The following ANKRD28 variants were observed in gnomAD, a reference collection of about 807,000 sequenced individuals.
ANKRD28 encodes the protein ankyrin repeat domain 28, also known as serine/threonine-protein phosphatase 6 regulatory ankyrin repeat subunit A.
A neutral mutation model predicts 126.5 loss-of-function variants in ANKRD28; 44 were observed. The ratio of observed to expected loss-of-function variants is 0.35; its 90% confidence interval spans 0.27 to 0.45. ANKRD28 has a LOEUF of 0.45. Among genes scored for constraint, ANKRD28 ranks in the 20% least tolerant of loss-of-function variants. ANKRD28 has a pLI of 1.00. For synonymous variants in ANKRD28, 442 were observed against 468.5 expected (o/e 0.94, Z 0.73); for missense variants, 1,110 against 1,316.6 (o/e 0.84, Z 2.43).
At chr3:15,674,196 A>AAAAAAAAAAAAAAAAAAAAAAAAAAG (rs1470515364) in intron 27 of ANKRD28, among the ~76,000 whole-genome samples, 1 of 130,082 alleles carries the variant, frequency 7.7e-6, no homozygotes, top group Non-Finnish European at 1.5e-5. Flanking sequence ...AAAAAAAAAA[A>AAAAAAAAAAAAAAAAAAAAAAAAAAG]AAGAAGAAGA....
intron 4 of ANKRD28, among the ~76,000 whole-genome samples, chr3:15,741,888 C>T (rs1474504678): frequency 3.3e-5 from 5 of 151,888 alleles, no homozygotes; most frequent in African/African-American, 1.2e-4. Flanking sequence ...AGGCGCGCGC[C>T]ACCACGCCTG....
chr3:15,743,545 AACAC>A (rs4036221), intron 4 of ANKRD28, among the ~76,000 whole-genome samples: 17,130 of 140,284 alleles, frequency 0.12, 1,157 homozygotes, highest in African/African-American at 0.19. Flanking sequence ...GTGGCTTTTT[AACAC>A]ACACACACAC....
At chr3:15,765,733 G>C (rs2058703580) in intron 3 of ANKRD28, among the ~76,000 whole-genome samples, 1 of 151,712 alleles carries the variant, frequency 6.6e-6, no homozygotes. Flanking sequence ...CCAGCTACTC[G>C]GGAGGCTGAG....
At position 15,828,267 on chromosome 3, in the gene ANKRD28, T is replaced by C. The variant is rs376605292; in HGVS notation, c.27+31110A>G. On this transcript the variant is annotated intron_variant, in intron 1 of 27. Transcript: ENST00000399451. ...TTTTCTAGAGGTCAAAACAGGCGAA[T>C]GATTATGGAAAAATTATTACCTTCT... 3.4e-4 allele frequency among the ~76,000 whole-genome samples: 51 copies of C among 152,214 alleles called. 1 individual carries two copies. The East Asian group carries it at 6.6e-3, about 20-fold the overall frequency.
Position 15,830,876 on chromosome 3 carries a change from G to T in ANKRD28, c.27+28501C>A, listed in dbSNP as rs114477929. ...GGATGGAGACTAACATCAGCCACAG[G>T]TGTGGTCAACCATACCTATGTGACT... On this transcript the variant is annotated intron_variant, in intron 1 of 27. Coordinates refer to the ANKRD28 transcript ENST00000399451. The surrounding 1 kb of genome is among the most constrained non-coding windows in gnomAD (Gnocchi z 4.5). Among the ~76,000 whole-genome samples, 1 of 152,092 alleles carries T rather than the reference G, an allele frequency of 6.6e-6. No homozygotes were observed. Among genetic ancestry groups the T allele is most frequent in the Non-Finnish European group, 1.5e-5 (1 of 68,022 alleles).
intron 17 of ANKRD28, 133 bp from the exon 18 acceptor site, chr3:15,690,353 G>A (rs114116376): frequency 1.2e-4 from 87 of 717,786 alleles, no homozygotes; most frequent in Non-Finnish European, 1.9e-4. Context: ...CTTCTACATC[G>A]AGAATTCAGG....
rs749263483 is a variant in ANKRD28 at position 15,835,437 on chromosome 3, TCAACAA to T, written c.27+23934_27+23939del. Among the ~76,000 whole-genome samples the T allele has an allele frequency of 2.0e-5, 3 of 152,256 alleles. No homozygotes were observed. In the South Asian group the frequency reaches 6.2e-4, roughly 32 times the overall value. ...GCCTGAAACAATAGAGAAGGAGGAATCAACAACAACAACAAAAAAAGGTAGATTCAC... is the reference window on the plus strand; with the variant it reads ...GCCTGAAACAATAGAGAAGGAGGAATCAACAACAAAAAAAGGTAGATTCAC... On this transcript the variant is annotated intron_variant, in intron 1 of 27. Transcript: ENST00000399451.
chr3:15,768,260 T>C (rs2058840503), intron 2 of ANKRD28, among the ~76,000 whole-genome samples: 1 of 152,168 alleles, frequency 6.6e-6, no homozygotes, highest in Non-Finnish European at 1.5e-5. Flanking sequence ...ATCCCTTAAT[T>C]ACTTTAAGAA....
chr3:15,800,625 C>T (rs1036824595), upstream of ANKRD28, among the ~76,000 whole-genome samples: 2 of 152,064 alleles, frequency 1.3e-5, no homozygotes, highest in Non-Finnish European at 2.9e-5. Flanking sequence ...TGAGAGTCTG[C>T]TAAAAGCTCA....
At position 15,859,369 on chromosome 3, in the gene ANKRD28, T is replaced by C. The variant is rs1368573580; in HGVS notation, c.27+8A>G. On this transcript the variant is annotated splice_region_variant and intron_variant, in intron 1 of 27. Transcript: ENST00000399451. ...CGGCGCGATCCCGCCCTGCAGCCCC[T>C]CACCTACCTGGTCACGGAGTTTGAG... 3 of 1,528,378 alleles carry C rather than the reference T, an allele frequency of 2.0e-6. No individual in the cohort carries two copies. The African/African-American group carries it at 4.2e-5, about 22-fold the overall frequency. 94.7% of individuals were successfully genotyped at this position (1,528,378 alleles called of 1,614,324 possible). A position where few individuals can be genotyped will look rare whatever the true frequency, so the allele number is the denominator to read the frequency against.
At position 15,783,526 on chromosome 3, in the gene ANKRD28, G is replaced by GA. The variant is rs908006361; in HGVS notation, c.201+11696dup. Among the ~76,000 whole-genome samples the GA allele has an allele frequency of 1.1e-4, 16 of 150,050 alleles. No homozygotes were observed. The South Asian group carries it at 2.1e-3, about 20-fold the overall frequency. On this transcript the variant is annotated intron_variant, in intron 2 of 27. Transcript: ENST00000683139. ...TCCACCACTAAACATTTACACAAGA[G>GA]AAAAAAAAAGCACACATTCATGCAA...
intron 2 of ANKRD28, among the ~76,000 whole-genome samples, chr3:15,775,852 C>T (rs1204838669): frequency 6.6e-6 from 1 of 152,164 alleles, no homozygotes; most frequent in Non-Finnish European, 1.5e-5. Context: ...ATTACATAAG[C>T]ATGACTGATT....
intron 8 of ANKRD28, among the ~76,000 whole-genome samples, chr3:15,719,325 C>T (rs1212759522): frequency 6.6e-6 from 1 of 152,178 alleles, no homozygotes; most frequent in Non-Finnish European, 1.5e-5. Context: ...CTGAAAATCA[C>T]ATTTTAAGCT....
rs1226795631 is a variant in ANKRD28, at chr3:15,850,204, AAT to A, written c.27+9171_27+9172del. ...TCTACATGCAATAAAAAAAAAAAAA[AAT>A]ATATATATATATATATATAGAGAGA... On this transcript the variant is annotated intron_variant, in intron 1 of 27. Coordinates refer to the ANKRD28 transcript ENST00000399451. Among the ~76,000 whole-genome samples, 272 of 54,824 alleles carry A rather than the reference AAT, an allele frequency of 5.0e-3. 6 individuals carry two copies. Among genetic ancestry groups the A allele is most frequent in the Middle Eastern group, 0.015 (1 of 68 alleles). The allele number at this position is 54,824 out of a possible 152,430, so 36.0% of individuals were successfully genotyped here.
At chr3:15,744,663 C>G (rs947519258) in intron 4 of ANKRD28, among the ~76,000 whole-genome samples, 4 of 152,116 alleles carry the variant, frequency 2.6e-5, no homozygotes, top group African/African-American at 9.7e-5. Context: ...CGTATTTGGG[C>G]TGGTTCCATA....
At chr3:15,703,656 GT>G (rs2070940823) in intron 14 of ANKRD28, among the ~76,000 whole-genome samples, 1 of 152,178 alleles carries the variant, frequency 6.6e-6, no homozygotes, top group Non-Finnish European at 1.5e-5. Flanking sequence ...AAGCCACCCA[GT>G]TTTTGGTATT....
At chr3:15,840,726 G>C (rs2125967603) in intron 1 of ANKRD28, among the ~76,000 whole-genome samples, 1 of 152,256 alleles carries the variant, frequency 6.6e-6, no homozygotes, top group African/African-American at 2.4e-5. Flanking sequence ...AGAACCCAGG[G>C]ATAAATCCAC....
chr3:15,710,750 A>C (rs534181390), intron 12 of ANKRD28, among the ~76,000 whole-genome samples: 26 of 152,220 alleles, frequency 1.7e-4, no homozygotes, highest in African/African-American at 5.8e-4. Context: ...TACTATTTAA[A>C]ACTTAGTCCA....
Position 15,845,429 on chromosome 3 carries a change from G to A in ANKRD28, c.27+13948C>T, listed in dbSNP as rs1243321222. 6.6e-6 allele frequency among the ~76,000 whole-genome samples: 1 copy of A among 152,054 alleles called. No homozygotes were observed. The highest frequency in any genetic ancestry group is 1.5e-5 in the Non-Finnish European group (1 of 67,998). ...AATGTCTAAAAGGTTACAGCTCCTTGGCATTATCTGTTGAAGTTTCTTGAT... is the reference window on the plus strand; with the variant it reads ...AATGTCTAAAAGGTTACAGCTCCTTAGCATTATCTGTTGAAGTTTCTTGAT... On this transcript the variant is annotated intron_variant, in intron 1 of 27. Transcript: ENST00000399451. The surrounding 1 kb of genome is among the most constrained non-coding windows in gnomAD (Gnocchi z 4.9).
Sources: allele counts gnomAD v4.1 joint callset (sites outside exome capture counted in the v4.1 genomes callset), GRCh38; gene constraint gnomAD v4.1.1; non-coding constraint Gnocchi (gnomAD v3.1); transcripts MANE v1.5; gene names NCBI Gene and HGNC (gene_info 2026-07-23, HGNC 2026-07-21).